Variants in CCDC91 observed in about 807,000 individuals in gnomAD.
CCDC91 encodes coiled-coil domain-containing protein 91.
Under a neutral mutation model 63.2 loss-of-function variants are expected in CCDC91, and 48 were observed. The ratio of observed to expected loss-of-function variants is 0.76; its 90% CI spans 0.60 to 0.97. The LOEUF (loss-of-function observed/expected upper bound fraction) is 0.97. CCDC91 is among the 50% of genes least tolerant of loss of function. The pLI is 0.00. For missense variants in CCDC91, 500 were observed against 494.6 expected (o/e 1.01, Z -0.10); for synonymous variants, 167 against 165.8 (o/e 1.01, Z -0.06).
chr12:28,293,695 A>G (rs1160405568), intron 3 of CCDC91, among the ~76,000 whole-genome samples: 5 of 150,768 alleles, frequency 3.3e-5, no homozygotes, highest in Admixed American at 6.6e-5. Context: ...TCCTTTTCCT[A>G]TTTGGTTCTC....
At chr12:28,209,077 A>T (rs1281871415) in intron 1 of CCDC91, among the ~76,000 whole-genome samples, 1 of 152,086 alleles carries the variant, frequency 6.6e-6, no homozygotes, top group Non-Finnish European at 1.5e-5. Flanking sequence ...AAGTGCTGGG[A>T]TTACAGGCGT....
intron 2 of CCDC91, 136 bp from the exon 3 acceptor site, chr12:28,259,228 A>G (rs542354980): frequency 1.5e-6 from 1 of 646,624 alleles, no homozygotes; most frequent in South Asian, 2.0e-5. Flanking sequence ...TAAGACTGAA[A>G]AGCAGTTATT....
intron 1 of CCDC91, among the ~76,000 whole-genome samples, chr12:28,241,529 A>G (rs1945333418): frequency 6.6e-6 from 1 of 152,098 alleles, no homozygotes; most frequent in African/African-American, 2.4e-5. Context: ...AAACTCTCTC[A>G]GGTAATCTAA....
At chr12:28,438,951 G>A (rs1949045107) in intron 8 of CCDC91, among the ~76,000 whole-genome samples, 1 of 152,098 alleles carries the variant, frequency 6.6e-6, no homozygotes, top group African/African-American at 2.4e-5. Flanking sequence ...ATTGAGGATT[G>A]TCACAATCTT....
At chr12:28,407,972 T>TTA (rs1565925945) in intron 8 of CCDC91, among the ~76,000 whole-genome samples, 7 of 145,698 alleles carry the variant, frequency 4.8e-5, no homozygotes, top group Non-Finnish European at 7.6e-5. Flanking sequence ...ATATTTTTTT[T>TTA]ATTTTTTATT....
At chr12:28,283,278 T>G (rs1948715669) in intron 3 of CCDC91, among the ~76,000 whole-genome samples, 1 of 151,956 alleles carries the variant, frequency 6.6e-6, no homozygotes, top group South Asian at 2.1e-4. Context: ...GGAATTGCAT[T>G]ATATCTGTAG....
rs936479725 is a variant in CCDC91 at position 28,286,221 on chromosome 12, CTTTTA to C, written c.110-19422_110-19418del. On this transcript the variant is annotated intron_variant, in intron 3 of 12. Transcript: ENST00000536442. ...TAAAATAAAGCTTCTTTTTAAAAAA[CTTTTA>C]TTTTAAGTTCAAGGTTACGTGTGAA... Among the ~76,000 whole-genome samples the C allele has an allele frequency of 2.6e-4, 40 of 151,370 alleles. 1 individual carries two copies. Among genetic ancestry groups the C allele is most frequent in the African/African-American group, 9.2e-4 (38 of 41,268 alleles).
intron 1 of CCDC91, among the ~76,000 whole-genome samples, chr12:28,197,276 C>G (rs1353435025): frequency 6.6e-6 from 1 of 151,998 alleles, no homozygotes; most frequent in Admixed American, 6.6e-5. Context: ...AGAAATCGGT[C>G]TAGTTCAAAC....
At chr12:28,336,159 G>C (rs1420888642) in intron 6 of CCDC91, among the ~76,000 whole-genome samples, 1 of 151,688 alleles carries the variant, frequency 6.6e-6, no homozygotes, top group Admixed American at 6.6e-5. Flanking sequence ...GCAACTCCTA[G>C]TCACCAGGGC....
chr12:28,428,573 C>CAAAAAAAAAAAAAA (rs1438921507), intron 8 of CCDC91, among the ~76,000 whole-genome samples: 2 of 65,224 alleles, frequency 3.1e-5, no homozygotes, highest in African/African-American at 8.5e-5. Context: ...CCGTCTCTCC[C>CAAAAAAAAAAAAAA]CAAAAAAAAA....
intron 4 of CCDC91, 149 bp downstream of exon 4, chr12:28,305,955 G>T: frequency 6.1e-6 from 4 of 657,906 alleles, no homozygotes; most frequent in Non-Finnish European, 9.8e-6. Flanking sequence ...CTAATACTTA[G>T]AATTCAAAAA....
chr12:28,465,251 A>G (rs1950496715), intron 11 of CCDC91, among the ~76,000 whole-genome samples: 1 of 152,170 alleles, frequency 6.6e-6, no homozygotes. Context: ...GCTCCTGGAC[A>G]GCACACCTCT....
At chr12:28,413,496 TTTCTC>T (rs1947450536) in intron 8 of CCDC91, among the ~76,000 whole-genome samples, 1 of 152,228 alleles carries the variant, frequency 6.6e-6, no homozygotes, top group African/African-American at 2.4e-5. Context: ...TAATTTATCT[TTTCTC>T]TTTGGTTGTT....
At chr12:28,428,788 A>G (rs1200818010) in intron 8 of CCDC91, among the ~76,000 whole-genome samples, 1 of 152,018 alleles carries the variant, frequency 6.6e-6, no homozygotes, top group Non-Finnish European at 1.5e-5. Context: ...AATCTTTCTC[A>G]ATATGTTACT....
intron 1 of CCDC91, among the ~76,000 whole-genome samples, chr12:28,229,676 G>A (rs1387276669): frequency 6.6e-6 from 1 of 152,170 alleles, no homozygotes; most frequent in African/African-American, 2.4e-5. Flanking sequence ...GAGAAACAGA[G>A]CTTTTCTTCT....
At chr12:28,277,877 G>A (rs552567574) in intron 3 of CCDC91, among the ~76,000 whole-genome samples, 2 of 151,998 alleles carry the variant, frequency 1.3e-5, no homozygotes, top group South Asian at 2.1e-4. Flanking sequence ...TTGTGATCTG[G>A]TAGTAGCCAG....
At chr12:28,465,916 C>A (rs1174562107) in intron 11 of CCDC91, among the ~76,000 whole-genome samples, 1 of 151,972 alleles carries the variant, frequency 6.6e-6, no homozygotes, top group African/African-American at 2.4e-5. Flanking sequence ...AACTCAAATT[C>A]AAGATAACAC....
At chr12:28,270,275 T>G (rs1947668124) in intron 3 of CCDC91, among the ~76,000 whole-genome samples, 1 of 152,110 alleles carries the variant, frequency 6.6e-6, no homozygotes, top group East Asian at 1.9e-4. Context: ...AGAGATATAC[T>G]TTAGAACTGT....
chr12:28,283,770 T>A (rs1005509939), intron 3 of CCDC91, among the ~76,000 whole-genome samples: 3 of 152,202 alleles, frequency 2.0e-5, no homozygotes, highest in Non-Finnish European at 4.4e-5. Context: ...AAAGATTTTT[T>A]AAATATGAAA....
Sources: gnomAD v4.1 joint callset for allele counts (sites outside exome capture counted in the v4.1 genomes callset) on GRCh38, gnomAD v4.1.1 for gene constraint, MANE v1.5 for transcripts, NCBI Gene and HGNC (gene_info 2026-07-23, HGNC 2026-07-21) for gene names.